EML4: variants seen among roughly 807,000 people sequenced by gnomAD.
EML4 encodes echinoderm microtubule-associated protein-like 4.
In EML4, 72 loss-of-function variants were observed where a neutral mutation model predicts 129.0. The ratio of observed to expected loss-of-function variants is 0.56; its 90% CI spans 0.46 to 0.68. The LOEUF (loss-of-function observed/expected upper bound fraction) is 0.68, where lower values mean the gene tolerates loss of function less well. EML4 is among the 30% of genes least tolerant of loss of function. EML4 has a pLI of 0.00. For missense variants in EML4, 1,363 were observed against 1,190.6 expected (o/e 1.14, Z -2.13); for synonymous variants, 532 against 405.0 (o/e 1.31, Z -3.77).
chr2:42,315,807 C>T (rs1404771660), intron 17 of EML4, among the ~76,000 whole-genome samples, 155 bp from the exon 18 acceptor site: 1 of 151,674 alleles, frequency 6.6e-6, no homozygotes. Flanking sequence ...AGTGTGAGCC[C>T]AGAAGTTCAA....
intron 1 of EML4, among the ~76,000 whole-genome samples, chr2:42,185,170 A>C (rs2719129): frequency 3.9e-5 from 6 of 151,922 alleles, no homozygotes; most frequent in Non-Finnish European, 7.4e-5. Flanking sequence ...TCGGGATTAG[A>C]GGTTGACAGA....
At chr2:42,189,789 A>G (rs546639305) in intron 1 of EML4, among the ~76,000 whole-genome samples, 18 of 152,300 alleles carry the variant, frequency 1.2e-4, no homozygotes, top group Admixed American at 1.1e-3. Flanking sequence ...ACTATACGAT[A>G]CTTTTTTCAT....
At chr2:42,274,223 C>G (rs1205991131) in intron 6 of EML4, among the ~76,000 whole-genome samples, 2 of 152,114 alleles carry the variant, frequency 1.3e-5, no homozygotes, top group African/African-American at 2.4e-5. Flanking sequence ...ATATAAAACT[C>G]AAATTCCAGT....
rs148287816 is a variant in EML4, at chr2:42,301,388, T to C, written c.1637T>C (p.Ile546Thr). 187 of 1,610,114 alleles carry C rather than the reference T, an allele frequency of 1.2e-4. No individual in the cohort carries two copies. Among genetic ancestry groups the C allele is most frequent in the Non-Finnish European group, 1.4e-4 (170 of 1,178,448 alleles). The stretch of plus-strand genomic sequence containing the variant: ...CATGATCTGAATCCTGAAAGAGAAA[T>C]AGAGGTAAGGATGGAAACGGAATAT... ...WDHDLNPEREIEVPDQYGTIR... is the reference protein window; with the variant it reads ...WDHDLNPERETEVPDQYGTIR... Residue 546 changes from isoleucine to threonine, a missense_variant, in exon 14 of 23, where the codon ATA (isoleucine) becomes ACA (threonine). By Grantham distance (89) the Ile-to-Thr change is moderately conservative (BLOSUM62 -1). Coordinates refer to ENST00000318522, the MANE Select transcript of EML4 (RefSeq NM_019063.5).
chr2:42,282,138 C>CT (rs1009506199), intron 7 of EML4, among the ~76,000 whole-genome samples: 10 of 150,964 alleles, frequency 6.6e-5, no homozygotes, highest in African/African-American at 1.7e-4. Context: ...TCCTAGCAGT[C>CT]TTTTTTTTAC....
At chr2:42,326,469 G>A (rs1359719691) in intron 21 of EML4, among the ~76,000 whole-genome samples, 1 of 152,140 alleles carries the variant, frequency 6.6e-6, no homozygotes, top group Non-Finnish European at 1.5e-5. Context: ...TGAAAGACAA[G>A]GAATTTACAT....
chr2:42,317,666 A>G (rs1161025644), intron 19 of EML4, 142 bp downstream of exon 19: 5 of 599,822 alleles, frequency 8.3e-6, no homozygotes, highest in Non-Finnish European at 1.5e-5. Context: ...CTGGTAATAC[A>G]TGATAGCAGA....
At chr2:42,311,358 G>A (rs893790207) in intron 17 of EML4, among the ~76,000 whole-genome samples, 7 of 152,184 alleles carry the variant, frequency 4.6e-5, no homozygotes, top group Middle Eastern at 3.4e-3. Context: ...CTTTAGCCTC[G>A]GAGTTCGAGA....
At chr2:42,256,249 T>C (rs1676142689) in intron 2 of EML4, among the ~76,000 whole-genome samples, 1 of 152,176 alleles carries the variant, frequency 6.6e-6, no homozygotes, top group Admixed American at 6.5e-5. Context: ...ACCATTTAGC[T>C]AAGAGAACTA....
chr2:42,220,749 A>C (rs1673538278), intron 1 of EML4, among the ~76,000 whole-genome samples: 1 of 152,224 alleles, frequency 6.6e-6, no homozygotes, highest in Non-Finnish European at 1.5e-5. Context: ...CATACCAGAC[A>C]GCCAGTTGTG....
chr2:42,188,501 C>T (rs1351842489), intron 1 of EML4, among the ~76,000 whole-genome samples: 2 of 151,992 alleles, frequency 1.3e-5, no homozygotes, highest in African/African-American at 4.8e-5. Context: ...GGATTACAGG[C>T]CGTGAACCAC....
intron 1 of EML4, among the ~76,000 whole-genome samples, chr2:42,217,325 A>C (rs1361530179): frequency 1.3e-5 from 2 of 152,046 alleles, no homozygotes; most frequent in Non-Finnish European, 2.9e-5. Context: ...TTGAGTCTCT[A>C]AGTTTTTTTT....
At position 42,253,809 on chromosome 2, in the gene EML4, A is replaced by G. The variant is rs574561943; in HGVS notation, c.209-2692A>G. Among the ~76,000 whole-genome samples, 207 of 152,356 alleles carry G rather than the reference A, an allele frequency of 1.4e-3. 1 individual carries two copies. The highest frequency in any genetic ancestry group is 4.5e-3 in the African/African-American group (187 of 41,594). ...CAAGATGGATCATAGACCTCAATGTAAGGGCTAAAACTTATGTAAGAAAGA... is the reference window on the plus strand; with the variant it reads ...CAAGATGGATCATAGACCTCAATGTGAGGGCTAAAACTTATGTAAGAAAGA... On this transcript the variant is annotated intron_variant, in intron 2 of 22. Coordinates refer to ENST00000318522, the MANE Select transcript of EML4 (RefSeq NM_019063.5).
chr2:42,171,227 G>A (rs1670258108), intron 1 of EML4, among the ~76,000 whole-genome samples: 1 of 152,138 alleles, frequency 6.6e-6, no homozygotes, highest in Non-Finnish European at 1.5e-5. Flanking sequence ...CTATATGTCC[G>A]CTGAAGGGCT....
intron 6 of EML4, among the ~76,000 whole-genome samples, chr2:42,268,320 G>A (rs1666180297): frequency 6.6e-6 from 1 of 152,144 alleles, no homozygotes; most frequent in African/African-American, 2.4e-5. Context: ...AGATTACATG[G>A]AAATACTATA....
At chr2:42,187,698 G>C (rs572959510) in intron 1 of EML4, among the ~76,000 whole-genome samples, 3 of 151,994 alleles carry the variant, frequency 2.0e-5, no homozygotes, top group African/African-American at 4.8e-5. Context: ...GTTGCCTTAA[G>C]TTTTGAGAGT....
chr2:42,303,351 C>T lies in EML4; in HGVS notation c.1804C>T (p.Pro602Ser), dbSNP rs1374004997. The T allele has an allele frequency of 6.2e-7, 1 of 1,613,998 alleles. No homozygotes were observed. The highest frequency in any genetic ancestry group is 1.3e-5 in the African/African-American group (1 of 74,910). Reference protein sequence around the residue: ...TDELWGLATHPFKDLLLTCAQ... With the variant: ...TDELWGLATHSFKDLLLTCAQ... ...TGAGCTTTGGGGTCTTGCCACACATCCCTTCAAAGATTTGCTCTTGACATG... is the reference window on the plus strand; with the variant it reads ...TGAGCTTTGGGGTCTTGCCACACATTCCTTCAAAGATTTGCTCTTGACATG... Residue 602 changes from proline to serine, a missense_variant, in exon 16 of 23, where the codon CCC becomes TCC. Transcript: ENST00000318522.
intron 1 of EML4, among the ~76,000 whole-genome samples, chr2:42,225,340 G>C (rs954181478): frequency 3.9e-5 from 6 of 152,042 alleles, no homozygotes; most frequent in African/African-American, 1.4e-4. Context: ...GTTTTCTATG[G>C]TGGCTAAACA....
chr2:42,331,889 C>CTT lies in EML4; in HGVS notation c.*1683_*1684insTT. The CTT allele has an allele frequency of 4.9e-6, 1 of 204,046 alleles. No homozygotes were observed. Among genetic ancestry groups the CTT allele is most frequent in the East Asian group, 7.0e-5 (1 of 14,322 alleles). The allele number at this position is 204,046 out of a possible 1,614,324, so 12.6% of individuals were successfully genotyped here. A position where few individuals can be genotyped will look rare whatever the true frequency, so the allele number is the denominator to read the frequency against. On this transcript the variant is annotated 3_prime_UTR_variant, in exon 23 of 23. Transcript: ENST00000318522. ...CGTTGAAAATACTCAGTGTAGATCTCTATGTGTATAGGTATCTGTATATCT... is the reference window on the plus strand; with the variant it reads ...CGTTGAAAATACTCAGTGTAGATCTCTTTATGTGTATAGGTATCTGTATATCT...
Sources: allele counts gnomAD v4.1 joint callset (sites outside exome capture counted in the v4.1 genomes callset), GRCh38; gene constraint gnomAD v4.1.1; transcripts MANE v1.5; gene names NCBI Gene and HGNC (gene_info 2026-07-23, HGNC 2026-07-21).